LRRC7: variants seen among roughly 807,000 people sequenced by gnomAD.
LRRC7 encodes leucine rich repeat containing 7.
A neutral mutation model predicts 175.7 loss-of-function variants in LRRC7; 23 were observed. That is an observed-to-expected ratio of 0.13 (90% CI 0.09 to 0.19). LRRC7 has a LOEUF of 0.19. LRRC7 is among the 10% of genes least tolerant of loss of function. The probability of loss-of-function intolerance (pLI) is 1.00; values close to 1 mark genes in which losing one functional copy is unlikely to be tolerated. For synonymous variants in LRRC7, 685 were observed against 680.9 expected, an observed-to-expected ratio of 1.01 and a Z score of -0.09; for missense variants, 1,354 against 1,904.7, an observed-to-expected ratio of 0.71 and a Z score of 5.38.
intron 3 of LRRC7, among the ~76,000 whole-genome samples, chr1:69,781,763 G>A (rs184504141): frequency 0.024 from 924 of 38,904 alleles, 125 homozygotes; most frequent in East Asian, 0.052. Flanking sequence ...GAGAGAGAGA[G>A]AGAAAGAAAG....
chr1:70,122,856 A>ATT lies in LRRC7; in HGVS notation c.*969_*970insTT, dbSNP rs1666281165. On this transcript the variant is annotated 3_prime_UTR_variant, in exon 27 of 27. Transcript: ENST00000651989. ...ATTTGCTGCTTTTTAAATTATTTAAAACGAATTTTGGAAATTGATAAAATT... is the reference window on the plus strand; with the variant it reads ...ATTTGCTGCTTTTTAAATTATTTAAATTACGAATTTTGGAAATTGATAAAATT... The ATT allele has an allele frequency of 2.0e-5, 3 of 152,498 alleles. No individual in the cohort carries two copies. The highest frequency in any genetic ancestry group is 4.4e-5 in the Non-Finnish European group (3 of 67,938). 9.4% of individuals were successfully genotyped at this position (152,498 alleles called of 1,614,324 possible).
At chr1:69,617,704 G>A (rs1316000795) in intron 1 of LRRC7, among the ~76,000 whole-genome samples, 1 of 151,916 alleles carries the variant, frequency 6.6e-6, no homozygotes, top group Non-Finnish European at 1.5e-5. Flanking sequence ...GTTGCAGTCT[G>A]CTCTTCCTAA....
chr1:69,983,156 GACA>G (rs1287254802), intron 9 of LRRC7, among the ~76,000 whole-genome samples: 1 of 152,162 alleles, frequency 6.6e-6, no homozygotes, highest in African/African-American at 2.4e-5. Context: ...TGAGTAAAGT[GACA>G]ATATTTTTCC....
intron 4 of LRRC7, among the ~76,000 whole-genome samples, chr1:69,799,480 G>A (rs1373004791): frequency 6.6e-6 from 1 of 152,086 alleles, no homozygotes; most frequent in Non-Finnish European, 1.5e-5. Flanking sequence ...CTGTCTCTGA[G>A]TTGTTTTACT....
chr1:69,634,453 GT>G (rs1470646160), intron 1 of LRRC7, among the ~76,000 whole-genome samples: 1 of 152,108 alleles, frequency 6.6e-6, no homozygotes, highest in East Asian at 1.9e-4. Flanking sequence ...GTTTTCCCAT[GT>G]GGCCCAGCTC....
chr1:69,795,117 C>T (rs940046777), intron 4 of LRRC7, among the ~76,000 whole-genome samples: 2 of 152,174 alleles, frequency 1.3e-5, no homozygotes, highest in African/African-American at 4.8e-5. Flanking sequence ...CGCAGTGACT[C>T]ATGCCTGTAA....
intron 2 of LRRC7, among the ~76,000 whole-genome samples, chr1:69,730,681 T>G (rs1667472140): frequency 6.6e-6 from 1 of 152,146 alleles, no homozygotes; most frequent in African/African-American, 2.4e-5. Flanking sequence ...TTTTCCACAT[T>G]TTCCTATCTT....
rs141251168 is a variant in LRRC7, at chr1:70,126,365, G to A, written c.*4478G>A. Reference sequence around the variant, plus strand: ...TCCTTTATCTAGTATAAAGAAAAGCGGGGTTGAAGTTCCACTGTAGTTCCT... The same window carrying A: ...TCCTTTATCTAGTATAAAGAAAAGCAGGGTTGAAGTTCCACTGTAGTTCCT... On this transcript the variant is annotated 3_prime_UTR_variant, in exon 27 of 27. Coordinates refer to ENST00000651989, the MANE Select transcript of LRRC7 (RefSeq NM_001370785.2). Among the ~76,000 whole-genome samples, 2,200 of 151,978 alleles carry A rather than the reference G, an allele frequency of 0.014. 31 individuals carry two copies. The highest frequency in any genetic ancestry group is 0.049 in the South Asian group (233 of 4,800).
chr1:70,001,593 A>C (rs1439703071), intron 11 of LRRC7, among the ~76,000 whole-genome samples: 1 of 152,242 alleles, frequency 6.6e-6, no homozygotes, highest in Non-Finnish European at 1.5e-5. Context: ...GACCAGACGC[A>C]GTGACCGAAA....
At chr1:70,000,405 G>A (rs367735015) in intron 11 of LRRC7, among the ~76,000 whole-genome samples, 105 of 152,216 alleles carry the variant, frequency 6.9e-4, no homozygotes, top group African/African-American at 2.0e-3. Flanking sequence ...ATCATATAAC[G>A]TAGGTGTGTA....
intron 1 of LRRC7, among the ~76,000 whole-genome samples, chr1:69,581,610 C>T (rs1372673540): frequency 6.6e-6 from 1 of 152,090 alleles, no homozygotes; most frequent in Non-Finnish European, 1.5e-5. Context: ...ATTGAAGAAG[C>T]ATCAACTTGT....
At chr1:69,661,158 GA>G (rs1163275200) in intron 1 of LRRC7, among the ~76,000 whole-genome samples, 1 of 150,080 alleles carries the variant, frequency 6.7e-6, no homozygotes, top group Non-Finnish European at 1.5e-5. Context: ...CAAAGTTTTA[GA>G]AAAAAAAGAA....
intron 1 of LRRC7, among the ~76,000 whole-genome samples, chr1:69,622,478 T>C (rs955060865): frequency 2.6e-5 from 4 of 152,204 alleles, no homozygotes; most frequent in African/African-American, 7.2e-5. Context: ...ATCTCTGATA[T>C]GGACTTCAGG....
chr1:69,733,977 G>A (rs890338589), intron 2 of LRRC7, among the ~76,000 whole-genome samples: 2 of 151,976 alleles, frequency 1.3e-5, no homozygotes, highest in Non-Finnish European at 2.9e-5. Flanking sequence ...AGGAGTTTGA[G>A]TTGATGAGGT....
In LRRC7 at chr1:70,135,269, A is replaced by G. The variant is rs955054033; in HGVS notation, c.*13382A>G. On this transcript the variant is annotated 3_prime_UTR_variant, in exon 27 of 27. Coordinates refer to ENST00000651989, the MANE Select transcript of LRRC7 (RefSeq NM_001370785.2). ...TATCCAGCCACTAGCATAGTTCCCC[A>G]GGAGCAGGCTATGATCATCTCCTCA... Among the ~76,000 whole-genome samples the G allele has an allele frequency of 4.6e-5, 7 of 152,172 alleles. No homozygotes were observed. The highest frequency in any genetic ancestry group is 1.7e-4 in the African/African-American group (7 of 41,450).
At chr1:70,033,191 C>A (rs1349924611) in intron 18 of LRRC7, among the ~76,000 whole-genome samples, 1 of 152,140 alleles carries the variant, frequency 6.6e-6, no homozygotes, top group African/African-American at 2.4e-5. Context: ...TAGCGCAGAT[C>A]CCAGTTCAAA....
At chr1:69,730,164 C>A (rs1211346030) in intron 2 of LRRC7, among the ~76,000 whole-genome samples, 1 of 152,194 alleles carries the variant, frequency 6.6e-6, no homozygotes, top group East Asian at 1.9e-4. Context: ...CCTAGGCCTT[C>A]AGGCCTGTGA....
At chr1:69,665,255 T>G (rs140702031) in intron 1 of LRRC7, among the ~76,000 whole-genome samples, 1,543 of 152,284 alleles carry the variant, frequency 0.01, 26 homozygotes, top group African/African-American at 0.035. Context: ...TTCAGTTTCC[T>G]TCTTTTGCTC....
intron 3 of LRRC7, among the ~76,000 whole-genome samples, chr1:69,761,739 G>T (rs1480862482): frequency 6.6e-6 from 1 of 151,972 alleles, no homozygotes; most frequent in Non-Finnish European, 1.5e-5. Context: ...GGGCAAAGAT[G>T]GCACCGTATT....
Sources: gnomAD v4.1 joint callset for allele counts (sites outside exome capture counted in the v4.1 genomes callset) on GRCh38, gnomAD v4.1.1 for gene constraint, MANE v1.5 for transcripts, NCBI Gene and HGNC (gene_info 2026-07-23, HGNC 2026-07-21) for gene names.